SND1: variants seen among roughly 807,000 people sequenced by gnomAD.
The protein encoded by SND1 is staphylococcal nuclease domain-containing protein 1.
Under a neutral mutation model 121.7 loss-of-function variants are expected in SND1, and 38 were observed. The ratio of observed to expected loss-of-function variants is 0.31; its 90% confidence interval spans 0.24 to 0.41. SND1 has a LOEUF of 0.41. SND1 is among the 10% of genes least tolerant of loss of function. The pLI is 1.00. For synonymous variants in SND1, 401 were observed against 447.4 expected, an observed-to-expected ratio of 0.90 and a Z score of 1.31; for missense variants, 868 against 1,184.6, an observed-to-expected ratio of 0.73 and a Z score of 3.92.
chr7:128,046,478 C>T (rs541314605), intron 16 of SND1, among the ~76,000 whole-genome samples: 7 of 151,838 alleles, frequency 4.6e-5, no homozygotes, highest in African/African-American at 1.7e-4. Flanking sequence ...ATTCTCCTCC[C>T]TCAGCCTCCT....
intron 12 of SND1, among the ~76,000 whole-genome samples, chr7:127,886,095 C>A (rs913081785): frequency 1.3e-5 from 2 of 152,076 alleles, no homozygotes; most frequent in Admixed American, 1.3e-4. Context: ...TTTGCCAGCA[C>A]GCTTATGTGG....
intron 1 of SND1, among the ~76,000 whole-genome samples, chr7:127,663,906 T>C (rs1213311512): frequency 6.6e-6 from 1 of 152,224 alleles, no homozygotes; most frequent in African/African-American, 2.4e-5. Context: ...ATTTGCTGGC[T>C]CATAGCTCTT....
chr7:128,078,970 C>CAGGG (rs1478089285), intron 17 of SND1, among the ~76,000 whole-genome samples: 1 of 152,232 alleles, frequency 6.6e-6, no homozygotes, highest in Non-Finnish European at 1.5e-5. Context: ...TTCAGGACTG[C>CAGGG]AGGGGTGCCT....
intron 15 of SND1, chr7:127,949,321 A>G (rs1801407115): frequency 6.6e-6 from 1 of 152,206 alleles, no homozygotes; most frequent in Non-Finnish European, 1.5e-5. Context: ...TTTGACCTTT[A>G]TTTGCATCAA....
Position 127,935,810 on chromosome 7 carries a change from G to T in SND1, c.1669+6481G>T, listed in dbSNP as rs553571145. ...AAATGTCTCTTTGCAGTAAGGAGGGGGTTTGGGTTGTGATTCTCAAGGGGA... is the reference window on the plus strand; with the variant it reads ...AAATGTCTCTTTGCAGTAAGGAGGGTGTTTGGGTTGTGATTCTCAAGGGGA... On this transcript the variant is annotated intron_variant, in intron 15 of 23. Transcript: ENST00000354725. Among the ~76,000 whole-genome samples, 9 of 152,308 alleles carry T rather than the reference G, an allele frequency of 5.9e-5. No homozygotes were observed. The South Asian group carries it at 1.9e-3, about 32-fold the overall frequency.
At chr7:127,705,871 A>G (rs1663773459) in intron 8 of SND1, among the ~76,000 whole-genome samples, 1 of 152,224 alleles carries the variant, frequency 6.6e-6, no homozygotes, top group South Asian at 2.1e-4. Flanking sequence ...ACAGATATAC[A>G]GCTAAGAGAT....
At position 127,886,849 on chromosome 7, in the gene SND1, C is replaced by CAAAAA. The variant is rs11413396; in HGVS notation, c.1344-1038_1344-1034dup. The stretch of plus-strand genomic sequence containing the variant: ...AGTGTGAGCAATTTTCTTATTCTGG[C>CAAAAA]AAAAAAAAAAAAAAAAAAAGATTTG... On this transcript the variant is annotated intron_variant, in intron 12 of 23. Transcript: ENST00000354725. Among the ~76,000 whole-genome samples, 25 of 118,334 alleles carry CAAAAA rather than the reference C, an allele frequency of 2.1e-4. 1 individual carries two copies. In the East Asian group the frequency reaches 3.3e-3, roughly 16 times the overall value. 77.6% of individuals were successfully genotyped at this position (118,334 alleles called of 152,430 possible). A position where few individuals can be genotyped will look rare whatever the true frequency, so the allele number is the denominator to read the frequency against.
chr7:127,744,488 A>G (rs1796942975), intron 10 of SND1, among the ~76,000 whole-genome samples: 1 of 152,176 alleles, frequency 6.6e-6, no homozygotes. Context: ...GGTGGAAGTA[A>G]ATGCTGTTGC....
intron 2 of SND1, among the ~76,000 whole-genome samples, chr7:127,692,847 T>C (rs1795945544): frequency 6.6e-6 from 1 of 152,216 alleles, no homozygotes; most frequent in South Asian, 2.1e-4. Flanking sequence ...CTGGAAAACA[T>C]GAGGTCCTAA....
At chr7:128,035,618 T>C (rs1375027773) in intron 16 of SND1, among the ~76,000 whole-genome samples, 1 of 152,246 alleles carries the variant, frequency 6.6e-6, no homozygotes, top group Non-Finnish European at 1.5e-5. Context: ...TAAGTAACAA[T>C]GTATGGCTAA....
At chr7:127,871,018 G>A (rs560039746) in intron 12 of SND1, among the ~76,000 whole-genome samples, 5 of 151,636 alleles carry the variant, frequency 3.3e-5, no homozygotes, top group African/African-American at 1.2e-4. Flanking sequence ...TTTAAAACTC[G>A]TTTGTTGAAA....
At chr7:127,997,693 T>C (rs774809862) in intron 16 of SND1, 1 of 529,898 alleles carries the variant, frequency 1.9e-6, no homozygotes, top group Non-Finnish European at 3.9e-6. Context: ...TCTCCAACTT[T>C]ATGTCTCACC....
chr7:127,703,703 C>T (rs986094236), intron 7 of SND1, among the ~76,000 whole-genome samples: 1 of 152,106 alleles, frequency 6.6e-6, no homozygotes, highest in Non-Finnish European at 1.5e-5. Flanking sequence ...CAGAGCAAGA[C>T]TCTGTCTCAA....
chr7:127,833,639 C>G (rs538333790), intron 11 of SND1, among the ~76,000 whole-genome samples: 1 of 151,938 alleles, frequency 6.6e-6, no homozygotes, highest in Non-Finnish European at 1.5e-5. Flanking sequence ...TCGCTCCTGC[C>G]GCTGTTATTT....
In SND1 at chr7:127,878,749, T is replaced by G. The variant is rs576751983; in HGVS notation, c.1344-9153T>G. Among the ~76,000 whole-genome samples, 14 of 152,266 alleles carry G rather than the reference T, an allele frequency of 9.2e-5. No homozygotes were observed. The East Asian group carries it at 2.1e-3, about 23-fold the overall frequency. ...TGTAAATGGATTTAAAAAATCAATT[T>G]CAGTCATTTTTAGAACTACATAAGT... On this transcript the variant is annotated intron_variant, in intron 12 of 23. Transcript: ENST00000354725.
chr7:127,672,479 A>G (rs1019936961), intron 1 of SND1, among the ~76,000 whole-genome samples: 1 of 152,010 alleles, frequency 6.6e-6, no homozygotes, highest in Admixed American at 6.6e-5. Flanking sequence ...GCATGGTGGC[A>G]TGTGCCTGTA....
At chr7:127,765,939 A>G (rs931159501) in intron 10 of SND1, among the ~76,000 whole-genome samples, 2 of 152,252 alleles carry the variant, frequency 1.3e-5, no homozygotes, top group Non-Finnish European at 2.9e-5. Flanking sequence ...TATGATTAGA[A>G]AACCAAAATT....
At chr7:128,007,506 G>A (rs1433473238) in intron 16 of SND1, among the ~76,000 whole-genome samples, 1 of 152,192 alleles carries the variant, frequency 6.6e-6, no homozygotes, top group Non-Finnish European at 1.5e-5. Context: ...GCTCCACTGG[G>A]GCTCCAGATA....
At chr7:127,957,546 A>T (rs1033862684) in intron 15 of SND1, among the ~76,000 whole-genome samples, 1 of 152,150 alleles carries the variant, frequency 6.6e-6, no homozygotes, top group African/African-American at 2.4e-5. Flanking sequence ...CTTGTTATGT[A>T]CCTTTTAAAT....
Sources: allele counts gnomAD v4.1 joint callset (sites outside exome capture counted in the v4.1 genomes callset), GRCh38; gene constraint gnomAD v4.1.1; transcripts MANE v1.5; gene names NCBI Gene and HGNC (gene_info 2026-07-23, HGNC 2026-07-21).